Variants in NOS1AP observed in about 807,000 individuals in gnomAD.
NOS1AP encodes the protein carboxyl-terminal PDZ ligand of neuronal nitric oxide synthase protein.
Under a neutral mutation model 56.2 loss-of-function variants are expected in NOS1AP, and 21 were observed. That is an observed-to-expected ratio of 0.37 (90% confidence interval 0.26 to 0.54). NOS1AP has a LOEUF of 0.54. Ranked by LOEUF, NOS1AP falls within the 20% of genes least tolerant of loss-of-function variation. The pLI, the probability that NOS1AP is intolerant of heterozygous loss-of-function variation, is 0.84. For missense variants in NOS1AP, 522 were observed against 657.8 expected (o/e 0.79, Z 2.26); for synonymous variants, 270 against 274.6 (o/e 0.98, Z 0.17).
intron 2 of NOS1AP, among the ~76,000 whole-genome samples, chr1:162,155,259 T>C (rs940796651): frequency 6.8e-6 from 1 of 146,534 alleles, no homozygotes; most frequent in Admixed American, 6.9e-5. Flanking sequence ...CACATACATA[T>C]ATATATACAC....
At chr1:162,233,361 C>T (rs1653186556) in intron 2 of NOS1AP, among the ~76,000 whole-genome samples, 1 of 152,196 alleles carries the variant, frequency 6.6e-6, no homozygotes, top group South Asian at 2.1e-4. Flanking sequence ...GGCTCTGACT[C>T]TCCCAGGAGG....
intron 2 of NOS1AP, among the ~76,000 whole-genome samples, chr1:162,239,161 T>C (rs1475189463): frequency 1.3e-5 from 2 of 152,234 alleles, no homozygotes; most frequent in East Asian, 3.8e-4. Flanking sequence ...TGATTGTGTT[T>C]ATAAGAAGTC....
At chr1:162,270,973 G>A (rs1654565737) in intron 2 of NOS1AP, among the ~76,000 whole-genome samples, 2 of 152,096 alleles carry the variant, frequency 1.3e-5, no homozygotes, top group South Asian at 2.1e-4. Context: ...CTGTATGTAC[G>A]TTTCAAGAGC....
intron 8 of NOS1AP, among the ~76,000 whole-genome samples, chr1:162,361,710 A>G (rs1394620136): frequency 2.0e-5 from 3 of 152,222 alleles, no homozygotes; most frequent in African/African-American, 7.2e-5. Flanking sequence ...TACAAGGAGC[A>G]TTTTCTCATG....
At position 162,367,036 on chromosome 1, in the gene NOS1AP, C is replaced by G; in HGVS notation, c.1106-16C>G. On this transcript the variant is annotated splice_polypyrimidine_tract_variant and intron_variant, in intron 9 of 9. Coordinates refer to ENST00000361897, the MANE Select transcript of NOS1AP (RefSeq NM_014697.3). The surrounding 1 kb of genome is among the most constrained non-coding windows in gnomAD (Gnocchi z 6.5). ...GCCTAACGCTGCCCCTCTGCTACCT[C>G]TTGTCTCCCCTGCAGTGGGCTCCCA... The G allele has an allele frequency of 6.2e-7, 1 of 1,613,774 alleles. No individual in the cohort carries two copies. The highest frequency in any genetic ancestry group is 8.5e-7 in the Non-Finnish European group (1 of 1,179,988).
intron 4 of NOS1AP, among the ~76,000 whole-genome samples, chr1:162,315,537 G>A (rs745963297): frequency 6.6e-6 from 1 of 152,174 alleles, no homozygotes; most frequent in African/African-American, 2.4e-5. Flanking sequence ...CCTCAAACTG[G>A]AGAGGTGAGG....
At chr1:162,180,368 C>G (rs1177171815) in intron 2 of NOS1AP, among the ~76,000 whole-genome samples, 1 of 152,174 alleles carries the variant, frequency 6.6e-6, no homozygotes, top group Non-Finnish European at 1.5e-5. Flanking sequence ...CCTCAGCCTT[C>G]TGAGTAGCTG....
chr1:162,088,992 C>A (rs774673732), intron 1 of NOS1AP, among the ~76,000 whole-genome samples: 1 of 152,194 alleles, frequency 6.6e-6, no homozygotes, highest in Admixed American at 6.5e-5. Flanking sequence ...CTCTTCCACT[C>A]CTTGTGTATT....
chr1:162,111,475 A>G (rs1218044741), intron 1 of NOS1AP, among the ~76,000 whole-genome samples: 1 of 152,210 alleles, frequency 6.6e-6, no homozygotes, highest in Admixed American at 6.5e-5. Context: ...CATTTCTGAG[A>G]AACAAGCTCT....
chr1:162,291,419 T>A (rs983979626), intron 3 of NOS1AP, among the ~76,000 whole-genome samples: 1 of 152,162 alleles, frequency 6.6e-6, no homozygotes, highest in Non-Finnish European at 1.5e-5. Flanking sequence ...TTGGATCAAA[T>A]GAAGTCTAGT....
chr1:162,264,469 C>CCCTCCCCTCTCCTCCCCTCCCCTGT (rs1557855368), intron 2 of NOS1AP, among the ~76,000 whole-genome samples: 1 of 31,848 alleles, frequency 3.1e-5, no homozygotes, highest in Non-Finnish European at 4.6e-5. Context: ...TCTTCTCCTC[C>CCCTCCCCTCTCCTCCCCTCCCCTGT]CCTCCCCTCC....
At chr1:162,259,614 A>C (rs1654144794) in intron 2 of NOS1AP, among the ~76,000 whole-genome samples, 1 of 152,218 alleles carries the variant, frequency 6.6e-6, no homozygotes, top group Non-Finnish European at 1.5e-5. Flanking sequence ...TAAACTGCTA[A>C]AAAAGCTATT....
At position 162,368,124 on chromosome 1, in the gene NOS1AP, T is replaced by C. The variant is rs1034531357; in HGVS notation, c.*657T>C. The C allele has an allele frequency of 2.0e-5, 3 of 152,636 alleles. No homozygotes were observed. Among genetic ancestry groups the C allele is most frequent in the Non-Finnish European group, 4.4e-5 (3 of 68,178 alleles). 9.5% of individuals were successfully genotyped at this position (152,636 alleles called of 1,614,324 possible). A position where few individuals can be genotyped will look rare whatever the true frequency, so the allele number is the denominator to read the frequency against. On this transcript the variant is annotated 3_prime_UTR_variant, in exon 10 of 10. Transcript: ENST00000361897. ...TTTTCTCCAGCCGGACATTGAATGT[T>C]GCTACAAAGGGAGCCTTGAAGCTTT...
chr1:162,117,137 A>G (rs1430787301), intron 1 of NOS1AP, among the ~76,000 whole-genome samples: 3 of 152,202 alleles, frequency 2.0e-5, no homozygotes, highest in Non-Finnish European at 4.4e-5. Context: ...CTAGGACGTA[A>G]TCTAATAATC....
intron 2 of NOS1AP, among the ~76,000 whole-genome samples, chr1:162,269,943 G>T (rs1654535993): frequency 6.6e-6 from 1 of 152,030 alleles, no homozygotes; most frequent in Non-Finnish European, 1.5e-5. Context: ...GTAGTCTAAG[G>T]GTGTTAATCT....
At chr1:162,152,553 T>A (rs1345494779) in intron 1 of NOS1AP, among the ~76,000 whole-genome samples, 2 of 152,186 alleles carry the variant, frequency 1.3e-5, no homozygotes, top group Non-Finnish European at 2.9e-5. Context: ...GTAACCACAG[T>A]TAAATCTGGC....
rs141226134 is a variant in NOS1AP at position 162,258,213 on chromosome 1, G to A, written c.178-29131G>A. 1.2e-3 allele frequency among the ~76,000 whole-genome samples: 187 copies of A among 152,150 alleles called. 1 individual carries two copies. Among genetic ancestry groups the A allele is most frequent in the African/African-American group, 4.0e-3 (164 of 41,510 alleles). On this transcript the variant is annotated intron_variant, in intron 2 of 9. Transcript: ENST00000361897. ...AGTCACCCTTTCATTTTATCACATA[G>A]TATTTATAACATGGAATCATAATTA...
At chr1:162,261,539 A>AG (rs1553200112) in intron 2 of NOS1AP, among the ~76,000 whole-genome samples, 319 of 16,908 alleles carry the variant, frequency 0.019, 121 homozygotes, top group Non-Finnish European at 0.04. Flanking sequence ...AGAGAGAGAG[A>AG]GAGAGAGCAA....
At chr1:162,195,001 T>C (rs1461033181) in intron 2 of NOS1AP, among the ~76,000 whole-genome samples, 1 of 152,114 alleles carries the variant, frequency 6.6e-6, no homozygotes, top group Non-Finnish European at 1.5e-5. Context: ...TGGACTAGGA[T>C]TGCTTGTGCC....
Sources: gnomAD v4.1 joint callset for allele counts (sites outside exome capture counted in the v4.1 genomes callset) on GRCh38, gnomAD v4.1.1 for gene constraint, Gnocchi (gnomAD v3.1) non-coding constraint, MANE v1.5 for transcripts, NCBI Gene and HGNC (gene_info 2026-07-23, HGNC 2026-07-21) for gene names.